The following PSMA6 variants were observed in gnomAD, a reference collection of about 807,000 sequenced individuals.
The protein encoded by PSMA6 is proteasome subunit alpha type-6.
For synonymous variants in PSMA6, 88 were observed against 97.7 expected, an observed-to-expected ratio of 0.90 and a Z score of 0.59; for missense variants, 170 against 294.8, an observed-to-expected ratio of 0.58 and a Z score of 3.10.
At position 35,313,020 on chromosome 14, in the gene PSMA6, G is replaced by A. The variant is rs1247783821; in HGVS notation, c.549G>A (p.Val183=). The A allele has an allele frequency of 1.2e-5, 19 of 1,579,362 alleles. No individual in the cohort carries two copies. Among genetic ancestry groups the A allele is most frequent in the Admixed American group, 8.3e-5 (4 of 48,404 alleles). The change falls in exon 5 of 7, where the codon GTG becomes GTA. Residue 183 remains valine, a synonymous_variant. Transcript: ENST00000261479. ...CAACCAGCTTCCTTGAAAAAAAAGTGAAGAAGAAATTTGATTGGACATTTG... is the reference window on the plus strand; with the variant it reads ...CAACCAGCTTCCTTGAAAAAAAAGTAAAGAAGAAATTTGATTGGACATTTG... ...TESTSFLEKK[V]KKKFDWTFEQ...
At chr14:35,299,066 G>A (rs8010905) in intron 1 of PSMA6, among the ~76,000 whole-genome samples, 22,694 of 151,936 alleles carry the variant, frequency 0.15, 3,175 homozygotes, top group African/African-American at 0.36. Flanking sequence ...TCACTCTGTC[G>A]CCCAGGCTGG....
At chr14:35,307,579 C>A (rs376256668) in intron 1 of PSMA6, among the ~76,000 whole-genome samples, 1 of 151,930 alleles carries the variant, frequency 6.6e-6, no homozygotes, top group African/African-American at 2.4e-5. Context: ...AGTAAAAATA[C>A]AAATATTAGC....
intron 1 of PSMA6, among the ~76,000 whole-genome samples, chr14:35,303,497 G>A (rs1181245661): frequency 1.3e-5 from 2 of 152,262 alleles, no homozygotes; most frequent in South Asian, 2.1e-4. Flanking sequence ...CAGATTATGA[G>A]CCACAAAAAT....
intron 1 of PSMA6, among the ~76,000 whole-genome samples, chr14:35,301,680 C>A (rs2051715733): frequency 6.6e-6 from 1 of 152,216 alleles, no homozygotes; most frequent in East Asian, 1.9e-4. Flanking sequence ...ACGAGGGCCC[C>A]CTTAATGAAT....
intron 5 of PSMA6, chr14:35,314,122 C>A: frequency 4.1e-6 from 1 of 246,856 alleles, no homozygotes; most frequent in Non-Finnish European, 7.6e-6. Flanking sequence ...GCCAATAAAC[C>A]TTTTTGTATA....
chr14:35,304,668 A>G (rs1242527448), intron 1 of PSMA6, among the ~76,000 whole-genome samples: 1 of 151,802 alleles, frequency 6.6e-6, no homozygotes, highest in East Asian at 1.9e-4. Flanking sequence ...CAGGGGTTGC[A>G]GTAAGCCAAG....
intron 1 of PSMA6, among the ~76,000 whole-genome samples, chr14:35,283,189 A>T (rs2051385389): frequency 6.6e-6 from 1 of 151,860 alleles, no homozygotes; most frequent in South Asian, 2.1e-4. Flanking sequence ...GCAGCTCCAA[A>T]ATAGTATGTC....
At chr14:35,295,413 T>C (rs564492593) in intron 1 of PSMA6, among the ~76,000 whole-genome samples, 1 of 151,898 alleles carries the variant, frequency 6.6e-6, no homozygotes, top group African/African-American at 2.4e-5. Flanking sequence ...TTATTGGCAG[T>C]GTTTGCTCCC....
At chr14:35,297,031 G>A (rs1482279610) in intron 1 of PSMA6, among the ~76,000 whole-genome samples, 6 of 147,586 alleles carry the variant, frequency 4.1e-5, no homozygotes, top group Non-Finnish European at 7.4e-5. Flanking sequence ...AGGTTAGGAG[G>A]CACTTTATAG....
At position 35,283,367 on chromosome 14, in the gene PSMA6, A is replaced by G. The variant is rs542047985; in HGVS notation, c.19+4649A>G. Among the ~76,000 whole-genome samples the G allele has an allele frequency of 1.3e-5, 2 of 151,532 alleles. 1 individual carries two copies. Among genetic ancestry groups the G allele is most frequent in the South Asian group, 4.2e-4 (2 of 4,796 alleles). ...CACAGGGAGACCCTATCTCTACAAA[A>G]AAAAAAAAAAAGAGAGAGAAAGAGA... On this transcript the variant is annotated intron_variant, in intron 1 of 6. Coordinates refer to the PSMA6 transcript ENST00000540871.
intron 1 of PSMA6, chr14:35,292,884 T>G (rs1296655681): frequency 5.9e-6 from 3 of 508,188 alleles, no homozygotes; most frequent in Non-Finnish European, 1.1e-5. Context: ...CAAGGTCTGT[T>G]TCTAAAGGGT....
upstream of PSMA6, among the ~76,000 whole-genome samples, chr14:35,292,027 GGAA>G (rs1209846284): frequency 5.9e-5 from 9 of 152,130 alleles, no homozygotes; most frequent in Non-Finnish European, 1.0e-4. Context: ...AAAGAGGTTA[GGAA>G]GAAGGCAAGC....
intron 1 of PSMA6, among the ~76,000 whole-genome samples, chr14:35,295,555 C>T (rs938550059): frequency 2.0e-5 from 3 of 151,010 alleles, no homozygotes; most frequent in African/African-American, 7.3e-5. Flanking sequence ...CAGGTTCAAG[C>T]GATTCTCCTG....
intron 1 of PSMA6, among the ~76,000 whole-genome samples, chr14:35,301,120 C>G (rs937985889): frequency 6.6e-6 from 1 of 151,990 alleles, no homozygotes; most frequent in African/African-American, 2.4e-5. Context: ...ATTTCAGGAG[C>G]TGGCTGAAGA....
chr14:35,282,059 A>G (rs550558888), intron 1 of PSMA6, among the ~76,000 whole-genome samples: 1 of 152,300 alleles, frequency 6.6e-6, no homozygotes, highest in South Asian at 2.1e-4. Context: ...AACATTCTCA[A>G]AAGAAGGCAC....
rs1303334710 is a variant in PSMA6 at position 35,293,123 on chromosome 14, A to G, written c.76+571A>G. The G allele has an allele frequency of 1.6e-5, 7 of 431,708 alleles. No individual in the cohort carries two copies. In the East Asian group the frequency reaches 4.3e-4, roughly 26 times the overall value. The allele number at this position is 431,708 out of a possible 1,614,324, so 26.7% of individuals were successfully genotyped here. A position where few individuals can be genotyped will look rare whatever the true frequency, so the allele number is the denominator to read the frequency against. Reference sequence around the variant, plus strand: ...CGGATAAAAAAAATTAAAAGTGCCAATTTACAAATATCTACAGAGTTCAAG... The same window carrying G: ...CGGATAAAAAAAATTAAAAGTGCCAGTTTACAAATATCTACAGAGTTCAAG... On this transcript the variant is annotated intron_variant, in intron 1 of 6. Coordinates refer to ENST00000261479, the MANE Select transcript of PSMA6 (RefSeq NM_002791.3).
chr14:35,285,368 C>CAAAAA (rs2051412455), intron 1 of PSMA6, among the ~76,000 whole-genome samples: 1 of 126,220 alleles, frequency 7.9e-6, no homozygotes, highest in African/African-American at 2.8e-5. Context: ...AAAAAAAAAC[C>CAAAAA]GTAGCACACT....
intron 1 of PSMA6, among the ~76,000 whole-genome samples, chr14:35,296,841 C>T (rs760155310): frequency 2.0e-4 from 31 of 152,134 alleles, no homozygotes; most frequent in East Asian, 1.9e-4. Context: ...TGTGTGCATG[C>T]ATACACATAC....
At chr14:35,296,623 C>T (rs8014594) in intron 1 of PSMA6, among the ~76,000 whole-genome samples, 16,419 of 152,062 alleles carry the variant, frequency 0.11, 946 homozygotes, top group Middle Eastern at 0.16. Context: ...GCCACCATGC[C>T]CCGCCTTCAA....
Sources: gnomAD v4.1 joint callset for allele counts (sites outside exome capture counted in the v4.1 genomes callset) on GRCh38, gnomAD v4.1.1 for gene constraint, MANE v1.5 for transcripts, NCBI Gene and HGNC (gene_info 2026-07-23, HGNC 2026-07-21) for gene names.